CSMD1: variants seen among roughly 807,000 people sequenced by gnomAD.
CSMD1 encodes the protein CUB and Sushi multiple domains 1, also known as CUB and sushi domain-containing protein 1.
In CSMD1, 213 loss-of-function variants were observed where a neutral mutation model predicts 417.5. That is an observed-to-expected ratio of 0.51 (90% CI 0.46 to 0.57). CSMD1 has a LOEUF of 0.57. CSMD1 is among the 20% of genes least tolerant of loss of function. CSMD1 has a pLI of 0.00. For missense variants in CSMD1, 6,923 were observed against 4,529.7 expected (o/e 1.53, Z -15.17); for synonymous variants, 2,862 against 1,736.8 (o/e 1.65, Z -16.11).
chr8:4,243,900 T>A (rs747797525), intron 3 of CSMD1, among the ~76,000 whole-genome samples: 1 of 152,146 alleles, frequency 6.6e-6, no homozygotes, highest in African/African-American at 2.4e-5. Context: ...CATAAACACA[T>A]TAGGTTAGCA....
At chr8:3,582,941 G>C (rs1452498446) in intron 9 of CSMD1, among the ~76,000 whole-genome samples, 1 of 152,122 alleles carries the variant, frequency 6.6e-6, no homozygotes, top group African/African-American at 2.4e-5. Context: ...AGGGATTTTG[G>C]AGGCATAATT....
intron 2 of CSMD1, among the ~76,000 whole-genome samples, chr8:4,626,291 C>T (rs991816970): frequency 6.6e-6 from 1 of 151,930 alleles, no homozygotes; most frequent in African/African-American, 2.4e-5. Context: ...AACATACAGC[C>T]TGTTCATTGC....
At chr8:4,313,927 T>G (rs111445158) in intron 3 of CSMD1, among the ~76,000 whole-genome samples, 3 of 151,622 alleles carry the variant, frequency 2.0e-5, no homozygotes, top group South Asian at 2.1e-4. Context: ...GTCAGGAGAG[T>G]CACTTGAACC....
At chr8:3,067,368 A>C (rs4335144) in intron 49 of CSMD1, among the ~76,000 whole-genome samples, 1 of 151,900 alleles carries the variant, frequency 6.6e-6, no homozygotes, top group Admixed American at 6.6e-5. Context: ...TAGCCATCTC[A>C]TCATAGTCCA....
intron 25 of CSMD1, among the ~76,000 whole-genome samples, chr8:3,287,349 G>T (rs1308707851): frequency 2.6e-5 from 4 of 152,112 alleles, no homozygotes; most frequent in African/African-American, 9.7e-5. Flanking sequence ...AAAGTCATTG[G>T]TAACTTGAAG....
At chr8:3,103,737 T>A (rs1332463221) in intron 46 of CSMD1, among the ~76,000 whole-genome samples, 2 of 135,588 alleles carry the variant, frequency 1.5e-5, no homozygotes, top group Non-Finnish European at 3.3e-5. Flanking sequence ...CTAATCAAAT[T>A]CCTTTTTTTT....
At chr8:4,521,448 C>A (rs117067635) in intron 2 of CSMD1, among the ~76,000 whole-genome samples, 214 of 152,254 alleles carry the variant, frequency 1.4e-3, no homozygotes, top group Non-Finnish European at 1.1e-3. Context: ...ATACCTGCTG[C>A]ATTTTATGTT....
Position 4,032,015 on chromosome 8 carries a change from A to C in CSMD1, c.500T>G (p.Ile167Ser). 6.2e-7 allele frequency: 1 copy of C among 1,613,870 alleles called. No homozygotes were observed. The highest frequency in any genetic ancestry group is 8.5e-7 in the Non-Finnish European group (1 of 1,179,844). The change falls in exon 4 of 70, where the codon ATC (isoleucine) becomes AGC (serine). Residue 167 changes from isoleucine (I) to serine (S), a missense_variant. Coordinates refer to ENST00000635120, the MANE Select transcript of CSMD1 (RefSeq NM_033225.6). ...GTAGCCAGGGAGGCAGCTGTACCGG[A>C]TTTTGTCTCCTATGTTGAATCTCGT... is the stretch of plus-strand genomic sequence containing the variant. ...HGTRFNIGDK[I>S]RYSCLPGYIL...
At chr8:4,006,377 C>T (rs1585119778) in intron 4 of CSMD1, among the ~76,000 whole-genome samples, 2 of 152,162 alleles carry the variant, frequency 1.3e-5, no homozygotes, top group African/African-American at 4.8e-5. Context: ...AACCCTGTCT[C>T]TACTAAAAAT....
chr8:3,510,479 C>T (rs1797018590), intron 10 of CSMD1, among the ~76,000 whole-genome samples: 1 of 151,852 alleles, frequency 6.6e-6, no homozygotes, highest in South Asian at 2.1e-4. Flanking sequence ...TATCATCTTA[C>T]AGGGTCTCTG....
At chr8:3,943,183 G>T (rs1810999119) in intron 5 of CSMD1, among the ~76,000 whole-genome samples, 2 of 151,948 alleles carry the variant, frequency 1.3e-5, no homozygotes, top group African/African-American at 2.4e-5. Flanking sequence ...CTCAATTGAG[G>T]ATGTTTCCTG....
chr8:4,563,776 T>C (rs975212477), intron 2 of CSMD1, among the ~76,000 whole-genome samples: 12 of 152,200 alleles, frequency 7.9e-5, no homozygotes, highest in Non-Finnish European at 1.5e-5. Flanking sequence ...GTGCAAGCCC[T>C]GTCCTAAATG....
chr8:3,319,903 T>TA (rs977642290), intron 23 of CSMD1, among the ~76,000 whole-genome samples: 2 of 152,160 alleles, frequency 1.3e-5, no homozygotes, highest in East Asian at 3.8e-4. Flanking sequence ...GATGACTCAT[T>TA]AAAAAAACTT....
intron 1 of CSMD1, among the ~76,000 whole-genome samples, chr8:4,990,163 CA>C (rs1198247217): frequency 1.3e-5 from 2 of 152,172 alleles, no homozygotes; most frequent in African/African-American, 4.8e-5. Flanking sequence ...CCCTACCATT[CA>C]AGTTTACAAA....
chr8:3,233,879 A>G (rs1798996760), intron 26 of CSMD1, among the ~76,000 whole-genome samples: 1 of 152,166 alleles, frequency 6.6e-6, no homozygotes, highest in South Asian at 2.1e-4. Context: ...AAAATAAATT[A>G]ACAGCTTGAG....
intron 2 of CSMD1, among the ~76,000 whole-genome samples, chr8:4,456,429 T>G (rs1264888080): frequency 8.5e-5 from 13 of 152,154 alleles, no homozygotes; most frequent in Non-Finnish European, 2.9e-5. Flanking sequence ...AAAAAAGTAT[T>G]TTTAATTGCT....
intron 23 of CSMD1, among the ~76,000 whole-genome samples, chr8:3,325,226 A>T (rs1419938535): frequency 6.6e-6 from 1 of 152,204 alleles, no homozygotes; most frequent in East Asian, 1.9e-4. Flanking sequence ...TTAACTTCCT[A>T]CAAATGAACC....
At chr8:4,174,877 T>C (rs1232866214) in intron 3 of CSMD1, among the ~76,000 whole-genome samples, 1 of 150,268 alleles carries the variant, frequency 6.7e-6, no homozygotes, top group Non-Finnish European at 1.5e-5. Flanking sequence ...GATGTTAATG[T>C]ACACTAGACA....
chr8:3,725,827 C>G (rs142794677), intron 6 of CSMD1, among the ~76,000 whole-genome samples: 1 of 152,176 alleles, frequency 6.6e-6, no homozygotes, highest in Non-Finnish European at 1.5e-5. Context: ...CTCAGTATCT[C>G]AACCCATGTA....
Sources: allele counts gnomAD v4.1 joint callset (sites outside exome capture counted in the v4.1 genomes callset), GRCh38; gene constraint gnomAD v4.1.1; transcripts MANE v1.5; gene names NCBI Gene and HGNC (gene_info 2026-07-23, HGNC 2026-07-21).